Variants in NUBPL observed in about 807,000 individuals in gnomAD.
NUBPL encodes NUBP iron-sulfur cluster assembly factor, mitochondrial, also known as iron-sulfur cluster transfer protein NUBPL.
A neutral mutation model predicts 45.7 loss-of-function variants in NUBPL; 31 were observed. The ratio of observed to expected loss-of-function variants is 0.68; its 90% CI spans 0.51 to 0.92. The LOEUF (loss-of-function observed/expected upper bound fraction) is 0.92, where lower values mean the gene tolerates loss of function less well. Ranked by LOEUF, NUBPL falls within the 40% of genes least tolerant of loss-of-function variation. The pLI, the probability that NUBPL is intolerant of heterozygous loss-of-function variation, is 0.00. For missense variants in NUBPL, 401 were observed against 398.7 expected, an observed-to-expected ratio of 1.01 and a Z score of -0.05; for synonymous variants, 144 against 140.9, an observed-to-expected ratio of 1.02 and a Z score of -0.15.
At chr14:31,635,356 C>G (rs1014633286) in intron 4 of NUBPL, among the ~76,000 whole-genome samples, 5 of 152,128 alleles carry the variant, frequency 3.3e-5, no homozygotes, top group Non-Finnish European at 4.4e-5. Context: ...AATCCTTTCC[C>G]CATTGCTTAT....
chr14:31,789,128 C>T (rs2039334533), intron 7 of NUBPL, among the ~76,000 whole-genome samples: 1 of 152,078 alleles, frequency 6.6e-6, no homozygotes, highest in South Asian at 2.1e-4. Context: ...AGATCGAGAC[C>T]ATCCTGGCTA....
chr14:31,567,715 T>G (rs761641946), intron 3 of NUBPL, among the ~76,000 whole-genome samples: 1 of 152,236 alleles, frequency 6.6e-6, no homozygotes, highest in Non-Finnish European at 1.5e-5. Flanking sequence ...TAAAAAGTGT[T>G]TTTCTTAGTG....
chr14:31,705,954 C>T (rs1186736787), intron 6 of NUBPL, among the ~76,000 whole-genome samples: 3 of 152,298 alleles, frequency 2.0e-5, no homozygotes, highest in Admixed American at 1.3e-4. Flanking sequence ...TGCACGAAGC[C>T]CCAGCTCCCA....
At chr14:31,826,511 A>G in intron 7 of NUBPL, 118 bp from the exon 8 acceptor site, 1 of 862,910 alleles carries the variant, frequency 1.2e-6, no homozygotes, top group Non-Finnish European at 1.9e-6. Context: ...TAAAATGTAT[A>G]TGAATGACCT....
chr14:31,599,509 T>G (rs1406105423), intron 4 of NUBPL, 130 bp downstream of exon 4: 1 of 659,220 alleles, frequency 1.5e-6, no homozygotes, highest in Non-Finnish European at 2.6e-6. Flanking sequence ...CTTAAGTTAG[T>G]AGATTCTTGG....
chr14:31,642,931 G>C (rs1383910616), intron 4 of NUBPL, among the ~76,000 whole-genome samples: 4 of 152,032 alleles, frequency 2.6e-5, no homozygotes, highest in Admixed American at 6.5e-5. Flanking sequence ...CAGATGGACT[G>C]CTTTCTTGAT....
intron 6 of NUBPL, among the ~76,000 whole-genome samples, chr14:31,770,447 T>C (rs1268736169): frequency 6.6e-6 from 1 of 152,170 alleles, no homozygotes; most frequent in Admixed American, 6.5e-5. Context: ...TTGGTCTGAG[T>C]GAAGTCATCT....
rs773747183 is a variant in NUBPL, at chr14:31,561,529, G to A, written c.90G>A (p.Ala30=). The A allele has an allele frequency of 1.7e-5, 24 of 1,382,170 alleles. No individual in the cohort carries two copies. The highest frequency in any genetic ancestry group is 2.3e-5 in the Non-Finnish European group (24 of 1,060,444). 85.6% of individuals were successfully genotyped at this position (1,382,170 alleles called of 1,614,324 possible). Residue 30 remains alanine, a synonymous_variant, in exon 1 of 11, where the codon GCG becomes GCA. Coordinates refer to ENST00000281081, the MANE Select transcript of NUBPL (RefSeq NM_025152.3). The part of the protein sequence containing the change: ...GATAPLGGSR[A]MVCGRQLSGA... ...CTGCCCCGCTTGGGGGAAGCCGAGC[G>A]ATGGTTTGTGGGCGCCAGGTCCGTG...
rs200066068 is a variant in NUBPL, at chr14:31,612,667, A to AAAAAG, written c.382+13308_382+13312dup. Reference sequence around the variant, plus strand: ...AGAGCAAGACTCTGTCTCAGAAAAAAAAAAGAAAAGAAAAGAAAAGAAAAA... The same window carrying AAAAAG: ...AGAGCAAGACTCTGTCTCAGAAAAAAAAAAGAAAAGAAAAGAAAAGAAAAGAAAAA... On this transcript the variant is annotated intron_variant, in intron 4 of 10. Coordinates refer to ENST00000281081, the MANE Select transcript of NUBPL (RefSeq NM_025152.3). Among the ~76,000 whole-genome samples the AAAAAG allele has an allele frequency of 4.4e-4, 67 of 152,168 alleles. No homozygotes were observed. The East Asian group carries it at 0.011, about 25-fold the overall frequency.
chr14:31,798,791 CAAAA>C (rs1164176250), intron 7 of NUBPL, among the ~76,000 whole-genome samples: 1 of 53,526 alleles, frequency 1.9e-5, no homozygotes, highest in South Asian at 1.1e-3. Flanking sequence ...GACTCCGTCT[CAAAA>C]AAAAAAAAAA....
intron 4 of NUBPL, among the ~76,000 whole-genome samples, chr14:31,622,816 GA>G (rs1429540463): frequency 1.3e-5 from 2 of 152,264 alleles, no homozygotes; most frequent in Non-Finnish European, 2.9e-5. Flanking sequence ...CCCCCATGGA[GA>G]ACTTCTTTTA....
chr14:31,573,582 G>A (rs564897094), intron 3 of NUBPL, among the ~76,000 whole-genome samples: 130 of 152,180 alleles, frequency 8.5e-4, no homozygotes, highest in Non-Finnish European at 1.7e-3. Context: ...ATAGCTGAAA[G>A]AATCATACAG....
At chr14:31,752,289 TAA>T (rs2038549476) in intron 6 of NUBPL, among the ~76,000 whole-genome samples, 1 of 152,216 alleles carries the variant, frequency 6.6e-6, no homozygotes, top group Non-Finnish European at 1.5e-5. Context: ...CTGTTAAACA[TAA>T]GTTCCAATTT....
At chr14:31,782,764 C>T (rs577166777) in intron 6 of NUBPL, among the ~76,000 whole-genome samples, 21 of 151,240 alleles carry the variant, frequency 1.4e-4, no homozygotes, top group South Asian at 4.2e-4. Flanking sequence ...CCAGCCTGGG[C>T]GACAGAGTGA....
intron 4 of NUBPL, among the ~76,000 whole-genome samples, chr14:31,634,665 C>T (rs1478796584): frequency 2.0e-5 from 3 of 152,298 alleles, no homozygotes; most frequent in East Asian, 3.9e-4. Context: ...AATCGCCACA[C>T]TGACTTCCAC....
chr14:31,646,638 C>T (rs2035861400), intron 4 of NUBPL, among the ~76,000 whole-genome samples: 1 of 151,744 alleles, frequency 6.6e-6, no homozygotes, highest in Admixed American at 6.6e-5. Context: ...TTTTAGTATC[C>T]TTTCTTTGTC....
At chr14:31,590,847 A>C (rs1348332767) in intron 3 of NUBPL, among the ~76,000 whole-genome samples, 1 of 152,176 alleles carries the variant, frequency 6.6e-6, no homozygotes, top group East Asian at 1.9e-4. Flanking sequence ...TGAAGACTTT[A>C]CTTACTAAGG....
intron 6 of NUBPL, among the ~76,000 whole-genome samples, chr14:31,775,210 G>C (rs2039078019): frequency 6.6e-6 from 1 of 152,126 alleles, no homozygotes; most frequent in African/African-American, 2.4e-5. Context: ...CTAAGGTCAG[G>C]AGTTCAAGAC....
chr14:31,824,462 A>G (rs575886164), intron 7 of NUBPL, among the ~76,000 whole-genome samples: 7 of 152,192 alleles, frequency 4.6e-5, no homozygotes, highest in South Asian at 4.1e-4. Flanking sequence ...CTCATATTGT[A>G]TAGTTTAAAA....
Sources: allele counts gnomAD v4.1 joint callset (sites outside exome capture counted in the v4.1 genomes callset), GRCh38; gene constraint gnomAD v4.1.1; transcripts MANE v1.5; gene names NCBI Gene and HGNC (gene_info 2026-07-23, HGNC 2026-07-21).